The following P3H2 variants were observed in gnomAD, a reference collection of about 807,000 sequenced individuals.
P3H2 encodes prolyl 3-hydroxylase 2, also known as leprecan-like 1.
Under a neutral mutation model 87.0 loss-of-function variants are expected in P3H2, and 80 were observed. The ratio of observed to expected loss-of-function variants is 0.92; its 90% confidence interval spans 0.77 to 1.11. P3H2 has a LOEUF of 1.11. Among genes scored for constraint, P3H2 ranks in the 50% least tolerant of loss-of-function variants. The probability of loss-of-function intolerance (pLI) is 0.00; values close to 1 mark genes in which losing one functional copy is unlikely to be tolerated. For synonymous variants in P3H2, 367 were observed against 359.3 expected (o/e 1.02, Z -0.24); for missense variants, 1,001 against 923.9 (o/e 1.08, Z -1.08).
chr3:189,966,105 A>AGAAAG (rs1553871047), intron 13 of P3H2, among the ~76,000 whole-genome samples: 2 of 91,216 alleles, frequency 2.2e-5, no homozygotes, highest in Admixed American at 1.0e-4. Context: ...AAAGAAAGAA[A>AGAAAG]AAAGAAAGAA....
At chr3:190,040,919 C>T (rs953000322) in intron 1 of P3H2, among the ~76,000 whole-genome samples, 18 of 149,674 alleles carry the variant, frequency 1.2e-4, no homozygotes, top group Non-Finnish European at 2.2e-4. Context: ...TATGGTGGTG[C>T]ACACCTGTAA....
chr3:190,069,092 G>A (rs1157717626), intron 1 of P3H2, among the ~76,000 whole-genome samples: 1 of 152,048 alleles, frequency 6.6e-6, no homozygotes, highest in African/African-American at 2.4e-5. Context: ...ATCCAAGAGA[G>A]CCTCACCTAT....
chr3:190,106,253 A>C (rs1183304898), intron 1 of P3H2, among the ~76,000 whole-genome samples: 2 of 152,222 alleles, frequency 1.3e-5, no homozygotes, highest in African/African-American at 4.8e-5. Flanking sequence ...AACATTTCTT[A>C]ACATAGCAAA....
chr3:190,098,723 C>T (rs1468352642), intron 1 of P3H2, among the ~76,000 whole-genome samples: 5 of 152,160 alleles, frequency 3.3e-5, no homozygotes. Flanking sequence ...ATTGATCATT[C>T]ATAATTTATT....
intron 13 of P3H2, chr3:189,969,856 G>A (rs1723117361): frequency 7.1e-7 from 1 of 1,410,818 alleles, no homozygotes. Flanking sequence ...TGGTGCTTGA[G>A]GCCATGTCCG....
intron 1 of P3H2, among the ~76,000 whole-genome samples, chr3:190,013,089 T>C (rs1238525193): frequency 6.6e-6 from 1 of 152,216 alleles, no homozygotes; most frequent in Non-Finnish European, 1.5e-5. Flanking sequence ...GATGGGCTAC[T>C]GTGGACTAGT....
intron 1 of P3H2, among the ~76,000 whole-genome samples, chr3:190,112,718 T>C (rs1029709162): frequency 6.7e-6 from 1 of 149,870 alleles, no homozygotes; most frequent in African/African-American, 2.5e-5. Flanking sequence ...CAGTCTGCAG[T>C]CCTCTTCAGT....
chr3:190,080,794 TA>T (rs1394573483), intron 1 of P3H2, among the ~76,000 whole-genome samples: 8 of 152,120 alleles, frequency 5.3e-5, no homozygotes, highest in Non-Finnish European at 1.0e-4. Context: ...AAGAAAAACA[TA>T]TGGCAACATC....
intron 1 of P3H2, among the ~76,000 whole-genome samples, chr3:190,104,819 C>G (rs1010909059): frequency 4.6e-5 from 7 of 152,172 alleles, no homozygotes; most frequent in Non-Finnish European, 1.0e-4. Flanking sequence ...AGGACTGATG[C>G]CAATCATGCA....
At chr3:190,025,674 TAGATA>T (rs1244168167) in intron 1 of P3H2, among the ~76,000 whole-genome samples, 1 of 152,178 alleles carries the variant, frequency 6.6e-6, no homozygotes, top group Non-Finnish European at 1.5e-5. Context: ...AGCCCCAAAA[TAGATA>T]AAAGTCAAAT....
At chr3:190,114,382 T>G (rs1249219380) in intron 1 of P3H2, among the ~76,000 whole-genome samples, 2 of 151,806 alleles carry the variant, frequency 1.3e-5, no homozygotes, top group East Asian at 2.0e-4. Flanking sequence ...GAGACGGGGT[T>G]TCACCGTGTT....
At chr3:190,014,900 T>C (rs1301221887) in intron 1 of P3H2, among the ~76,000 whole-genome samples, 1 of 152,138 alleles carries the variant, frequency 6.6e-6, no homozygotes. Context: ...AGAGAGGAAT[T>C]CTAGTTTTGG....
At chr3:189,995,536 G>T in intron 1 of P3H2, 94 bp from the exon 2 acceptor site, 15 of 1,162,088 alleles carry the variant, frequency 1.3e-5, no homozygotes, top group East Asian at 6.0e-5. Flanking sequence ...CACAGTTTAA[G>T]AATGAAACTA....
At chr3:189,968,115 T>A (rs1723055396) in intron 13 of P3H2, among the ~76,000 whole-genome samples, 2 of 152,208 alleles carry the variant, frequency 1.3e-5, no homozygotes, top group Non-Finnish European at 2.9e-5. Context: ...ATTGGAAATT[T>A]TTTTATTATT....
At chr3:189,998,190 G>C (rs1336055267) in intron 1 of P3H2, among the ~76,000 whole-genome samples, 1 of 152,178 alleles carries the variant, frequency 6.6e-6, no homozygotes, top group Non-Finnish European at 1.5e-5. Flanking sequence ...TAATATAAGA[G>C]GATAGAGTAG....
chr3:189,974,295 C>G, intron 9 of P3H2: 1 of 598,806 alleles, frequency 1.7e-6, no homozygotes, highest in Non-Finnish European at 2.9e-6. Context: ...TCTCCAGCAA[C>G]TTTATATGAT....
intron 1 of P3H2, among the ~76,000 whole-genome samples, chr3:190,060,856 T>C (rs113844608): frequency 6.6e-6 from 1 of 152,176 alleles, no homozygotes; most frequent in Non-Finnish European, 1.5e-5. Context: ...GGAACCATGC[T>C]ACATGGTTTG....
intron 1 of P3H2, among the ~76,000 whole-genome samples, chr3:190,019,471 A>C (rs1262269840): frequency 6.6e-6 from 1 of 152,166 alleles, no homozygotes; most frequent in Non-Finnish European, 1.5e-5. Context: ...GATGAGACTA[A>C]ATCATATCCC....
At chr3:190,020,344 T>C (rs1461251856) in intron 1 of P3H2, among the ~76,000 whole-genome samples, 1 of 135,166 alleles carries the variant, frequency 7.4e-6, no homozygotes, top group African/African-American at 2.6e-5. Context: ...AATTTTTCTT[T>C]TGCGAAAGAG....
Sources: allele counts gnomAD v4.1 joint callset (sites outside exome capture counted in the v4.1 genomes callset), GRCh38; gene constraint gnomAD v4.1.1; transcripts MANE v1.5; gene names NCBI Gene and HGNC (gene_info 2026-07-23, HGNC 2026-07-21).